The following UBR2 variants were observed in gnomAD, a reference collection of about 807,000 sequenced individuals.
The protein encoded by UBR2 is E3 ubiquitin-protein ligase UBR2.
UBR2 carries 92 observed loss-of-function variants against 247.9 expected under a neutral mutation model. The observed-to-expected ratio is 0.37, with a 90% CI of 0.31 to 0.44. UBR2 has a LOEUF of 0.44. Ranked by LOEUF, UBR2 falls within the 20% of genes least tolerant of loss-of-function variation. UBR2 has a pLI of 1.00. For missense variants in UBR2, 1,613 were observed against 2,112.6 expected (o/e 0.76, Z 4.64); for synonymous variants, 672 against 693.5 (o/e 0.97, Z 0.49).
In UBR2 at chr6:42,666,021, A is replaced by G. The variant is rs1186443243; in HGVS notation, c.3803-146A>G. 2.2e-4 allele frequency: 133 copies of G among 606,244 alleles called. 1 individual carries two copies. The highest frequency in any genetic ancestry group is 1.2e-3 in the South Asian group (49 of 39,954). The allele number at this position is 606,244 out of a possible 1,614,324, so 37.6% of individuals were successfully genotyped here. A position where few individuals can be genotyped will look rare whatever the true frequency, so the allele number is the denominator to read the frequency against. ...AGGGCCTTGGTCAACTAGAGCAATAACGTTTTCATGCTTCATATGGTTGTT... is the reference window on the plus strand; with the variant it reads ...AGGGCCTTGGTCAACTAGAGCAATAGCGTTTTCATGCTTCATATGGTTGTT... On this transcript the variant is annotated intron_variant, in intron 33 of 46. Transcript: ENST00000372901.
chr6:42,574,852 C>G (rs1032752257), intron 2 of UBR2, among the ~76,000 whole-genome samples: 3 of 151,978 alleles, frequency 2.0e-5, no homozygotes, highest in Non-Finnish European at 1.5e-5. Context: ...TAGCCCATGA[C>G]CATGCCCAGT....
rs370263385 is a variant in UBR2 at position 42,671,739 on chromosome 6, C to T, written c.4086+1024C>T. On this transcript the variant is annotated intron_variant, in intron 36 of 46. Coordinates refer to ENST00000372901, the MANE Select transcript of UBR2 (RefSeq NM_001363705.2). ...TTCTGCCTCTGTGGCTCCTGCCTCT[C>T]AGCCCACTCTCCCTCCTCCATCCTG... Among the ~76,000 whole-genome samples the T allele has an allele frequency of 1.7e-4, 26 of 152,296 alleles. No individual in the cohort carries two copies. The South Asian group carries it at 3.7e-3, about 22-fold the overall frequency.
chr6:42,564,167 C>A lies in UBR2; in HGVS notation c.-153C>A. 1.2e-6 allele frequency: 1 copy of A among 802,618 alleles called. No homozygotes were observed. The highest frequency in any genetic ancestry group is 1.9e-6 in the Non-Finnish European group (1 of 516,512). 49.7% of individuals were successfully genotyped at this position (802,618 alleles called of 1,614,324 possible). A position where few individuals can be genotyped will look rare whatever the true frequency, so the allele number is the denominator to read the frequency against. On this transcript the variant is annotated 5_prime_UTR_variant, in exon 1 of 47. Coordinates refer to ENST00000372901, the MANE Select transcript of UBR2 (RefSeq NM_001363705.2). ...GCTGTCCTTCCTTTCCGGTTCACGT[C>A]ACCCTTCTCTCCCTCTGTTGCTCCA...
chr6:42,635,370 G>T (rs1045791189), intron 13 of UBR2, 48 bp from the exon 14 acceptor site: 2 of 1,564,244 alleles, frequency 1.3e-6, no homozygotes, highest in Admixed American at 1.8e-5. Flanking sequence ...CCATATAAAA[G>T]AACAACTATT....
At chr6:42,572,454 ATAC>A (rs1479693678) in intron 1 of UBR2, among the ~76,000 whole-genome samples, 1 of 135,954 alleles carries the variant, frequency 7.4e-6, no homozygotes, top group Non-Finnish European at 1.5e-5. Context: ...TCACTTGAAC[ATAC>A]TTTTTTTTTT....
chr6:42,662,233 C>T lies in UBR2; in HGVS notation c.3492C>T (p.His1164=). ...ACCCTGATCTGTCTTGTGGAACACA[C>T]ACTAGTAGCTGTGGGCACATTATGC... ...FMHPDLSCGT[H]TSSCGHIMHA... is the part of the protein sequence containing the mutation. Residue 1164 remains histidine (H), a synonymous_variant, in exon 31 of 47, where the codon CAC becomes CAT. Coordinates refer to ENST00000372901, the MANE Select transcript of UBR2 (RefSeq NM_001363705.2). 6.2e-7 allele frequency: 1 copy of T among 1,611,746 alleles called. No homozygotes were observed. Among genetic ancestry groups the T allele is most frequent in the Non-Finnish European group, 8.5e-7 (1 of 1,178,914 alleles).
In UBR2 at chr6:42,658,714, G is replaced by A; in HGVS notation, c.3132G>A (p.Lys1044=). The A allele has an allele frequency of 1.9e-6, 3 of 1,612,212 alleles. No homozygotes were observed. The highest frequency in any genetic ancestry group is 2.5e-6 in the Non-Finnish European group (3 of 1,179,690). The part of the protein sequence containing the change: ...KAEIARLRRE[K]IMAQMSEMQR... Reference sequence around the variant, plus strand: ...AGATTGCCAGACTGCGCAGAGAAAAGATCATGGCTCAGATGTCTGAAATGC... The same window carrying A: ...AGATTGCCAGACTGCGCAGAGAAAAAATCATGGCTCAGATGTCTGAAATGC... Residue 1044 remains lysine (K), a synonymous_variant, in exon 29 of 47, where the codon AAG becomes AAA. Transcript: ENST00000372901.
chr6:42,651,672 GT>G (rs1243497892), intron 23 of UBR2, among the ~76,000 whole-genome samples: 4 of 151,926 alleles, frequency 2.6e-5, no homozygotes, highest in African/African-American at 9.7e-5. Flanking sequence ...TGTATTTTTA[GT>G]AGAGATGGGG....
intron 44 of UBR2, among the ~76,000 whole-genome samples, chr6:42,686,035 A>G (rs1385675814): frequency 1.3e-5 from 2 of 151,750 alleles, no homozygotes; most frequent in Admixed American, 6.6e-5. Flanking sequence ...CATTAACTAT[A>G]TAAGTTTCTA....
At chr6:42,614,239 C>CGT (rs1233418214) in intron 8 of UBR2, among the ~76,000 whole-genome samples, 2,029 of 45,324 alleles carry the variant, frequency 0.045, 125 homozygotes, top group African/African-American at 0.15. Context: ...CACACACACA[C>CGT]ACACACGCGC....
chr6:42,659,089 C>A lies in UBR2; in HGVS notation c.3242+265C>A, dbSNP rs371343127. 2.0e-5 allele frequency among the ~76,000 whole-genome samples: 3 copies of A among 152,116 alleles called. No individual in the cohort carries two copies. Among genetic ancestry groups the A allele is most frequent in the Admixed American group, 2.0e-4 (3 of 15,252 alleles). Reference sequence around the variant, plus strand: ...GAATGAGTACACTACACTCAGTTACCTAGAGCGTATGACATCTGTGTTGAA... The same window carrying A: ...GAATGAGTACACTACACTCAGTTACATAGAGCGTATGACATCTGTGTTGAA... On this transcript the variant is annotated intron_variant, in intron 29 of 46. Coordinates refer to ENST00000372901, the MANE Select transcript of UBR2 (RefSeq NM_001363705.2). The surrounding 1 kb of genome is among the most constrained non-coding windows in gnomAD (Gnocchi z 4.3).
intron 11 of UBR2, among the ~76,000 whole-genome samples, chr6:42,624,164 C>G (rs1339055780): frequency 6.6e-6 from 1 of 151,508 alleles, no homozygotes; most frequent in East Asian, 1.9e-4. Context: ...TTTTTGAGAC[C>G]AATTCTCACT....
intron 11 of UBR2, among the ~76,000 whole-genome samples, chr6:42,622,685 T>C (rs1029036391): frequency 6.6e-6 from 1 of 152,186 alleles, no homozygotes; most frequent in Non-Finnish European, 1.5e-5. Flanking sequence ...ATTACAAGCC[T>C]GAGCCACCGC....
chr6:42,683,144 G>C (rs1314610046), intron 43 of UBR2, 33 bp downstream of exon 43: 1 of 1,569,380 alleles, frequency 6.4e-7, no homozygotes, highest in African/African-American at 1.4e-5. Context: ...CTTTATTGAG[G>C]TGGGAGAAAG....
At chr6:42,646,317 G>C (rs537986189) in intron 21 of UBR2, among the ~76,000 whole-genome samples, 1 of 152,046 alleles carries the variant, frequency 6.6e-6, no homozygotes, top group East Asian at 1.9e-4. Context: ...TCTTATCTTT[G>C]TTGCATAGTA....
intron 43 of UBR2, among the ~76,000 whole-genome samples, chr6:42,684,578 G>A (rs113187446): frequency 0.22 from 33,594 of 149,488 alleles, 3,795 homozygotes; most frequent in Middle Eastern, 0.26. Flanking sequence ...GCTAGACTCC[G>A]TCTCAAAAAA....
At chr6:42,602,625 G>GTA (rs1049879367) in intron 4 of UBR2, among the ~76,000 whole-genome samples, 3 of 150,096 alleles carry the variant, frequency 2.0e-5, no homozygotes, top group African/African-American at 2.4e-5. Flanking sequence ...GTGTGTGTGT[G>GTA]TATATATACA....
chr6:42,674,320 C>A, intron 38 of UBR2, 127 bp downstream of exon 38: 1 of 824,502 alleles, frequency 1.2e-6, no homozygotes, highest in Non-Finnish European at 1.8e-6. Flanking sequence ...GAGTATAATT[C>A]TTTTATGAGA....
chr6:42,592,894 GC>G (rs1380573198), intron 3 of UBR2, among the ~76,000 whole-genome samples: 1 of 152,154 alleles, frequency 6.6e-6, no homozygotes. Context: ...CAGCTACGGG[GC>G]CGGGCGCAGT....
Sources: gnomAD v4.1 joint callset for allele counts (sites outside exome capture counted in the v4.1 genomes callset) on GRCh38, gnomAD v4.1.1 for gene constraint, Gnocchi (gnomAD v3.1) non-coding constraint, MANE v1.5 for transcripts, NCBI Gene and HGNC (gene_info 2026-07-23, HGNC 2026-07-21) for gene names.